Variants in ZNF530 observed in about 807,000 individuals in gnomAD.
ZNF530 encodes the protein zinc finger protein 530.
ZNF530 carries 5 observed loss-of-function variants against 2.8 expected under a neutral mutation model. The observed-to-expected ratio is 1.80, with a 90% confidence interval of 0.94 to 3.78. ZNF530 has a LOEUF of 3.78. Ranked by LOEUF, ZNF530 falls within the 30% of genes most tolerant of loss-of-function variation. The probability of loss-of-function intolerance (pLI) is 0.00; values close to 1 mark genes in which losing one functional copy is unlikely to be tolerated. For missense variants in ZNF530, 619 were observed against 673.3 expected, an observed-to-expected ratio of 0.92 and a Z score of 0.89; for synonymous variants, 229 against 235.0, an observed-to-expected ratio of 0.97 and a Z score of 0.23.
chr19:57,601,994 C>T (rs1198143664), intron 2 of ZNF530, among the ~76,000 whole-genome samples: 2 of 152,232 alleles, frequency 1.3e-5, no homozygotes, highest in African/African-American at 4.8e-5. Flanking sequence ...CATTGGGGAT[C>T]ACATTTCCAG....
downstream of ZNF530, among the ~76,000 whole-genome samples, chr19:57,612,029 T>C (rs558468277): frequency 6.6e-6 from 1 of 152,216 alleles, no homozygotes; most frequent in African/African-American, 2.4e-5. Context: ...CTTCTTCCTT[T>C]AGACTGAAAC....
At position 57,605,881 on chromosome 19, in the gene ZNF530, A is replaced by G. The variant is rs1470929351; in HGVS notation, c.257A>G (p.Tyr86Cys). 2 of 1,614,102 alleles carry G rather than the reference A, an allele frequency of 1.2e-6. No homozygotes were observed. The highest frequency in any genetic ancestry group is 2.2e-5 in the East Asian group (1 of 44,898). Reference sequence around the variant, plus strand: ...GCCTCACCCTGTGGACAGAAATTGTACTTGGGTGGAGCATCAAGAGATTTC... The same window carrying G: ...GCCTCACCCTGTGGACAGAAATTGTGCTTGGGTGGAGCATCAAGAGATTTC... ...LHASPCGQKL[Y>C]LGGASRDFWM... The change falls in exon 4 of 4, where the codon TAC becomes TGC. Residue 86 changes from tyrosine to cysteine, a missense_variant. Coordinates refer to ENST00000597700, the MANE Select transcript of ZNF530 (RefSeq NM_001321981.2).
Position 57,604,448 on chromosome 19 carries a change from T to C in ZNF530, c.61+42T>C, listed in dbSNP as rs1390895617. 4 of 1,594,234 alleles carry C rather than the reference T, an allele frequency of 2.5e-6. No individual in the cohort carries two copies. The Admixed American group carries it at 6.9e-5, about 28-fold the overall frequency. ...CCTCCCAGTTTCCTTTGTGGGTCTC[T>C]CCTTTTCCCCTGTCCCTGAGGCAGC... On this transcript the variant is annotated intron_variant, in intron 3 of 3. Coordinates refer to ENST00000597700, the MANE Select transcript of ZNF530 (RefSeq NM_001321981.2).
At position 57,607,568 on chromosome 19, in the gene ZNF530, C is replaced by T; in HGVS notation, c.*243C>T. ...CCATGTTGGTCAGGCTGGTGTTGAA[C>T]TCCTGACCTCAGGTAATCCACCTGC... is the stretch of plus-strand genomic sequence containing the variant. On this transcript the variant is annotated 3_prime_UTR_variant, in exon 4 of 4. Coordinates refer to ENST00000597700, the MANE Select transcript of ZNF530 (RefSeq NM_001321981.2). 1 of 456,020 alleles carries T rather than the reference C, an allele frequency of 2.2e-6. No individual in the cohort carries two copies. The highest frequency in any genetic ancestry group is 3.9e-6 in the Non-Finnish European group (1 of 256,850). The allele number at this position is 456,020 out of a possible 1,614,324, so 28.2% of individuals were successfully genotyped here. A position where few individuals can be genotyped will look rare whatever the true frequency, so the allele number is the denominator to read the frequency against.
chr19:57,607,468 C>T lies in ZNF530; in HGVS notation c.*143C>T. The T allele has an allele frequency of 3.8e-6, 3 of 792,282 alleles. No homozygotes were observed. The highest frequency in any genetic ancestry group is 1.9e-5 in the South Asian group (1 of 52,440). 49.1% of individuals were successfully genotyped at this position (792,282 alleles called of 1,614,324 possible). On this transcript the variant is annotated 3_prime_UTR_variant, in exon 4 of 4. Coordinates refer to ENST00000597700, the MANE Select transcript of ZNF530 (RefSeq NM_001321981.2). ...CAAGTGATTCTCCTGCCACAGCCTC[C>T]TGAGTACCTGAGATTACAGGCACCC...
chr19:57,607,008 G>GT lies in ZNF530; in HGVS notation c.1385dup (p.Cys463MetfsTer20). On this transcript the variant is annotated frameshift_variant, in exon 4 of 4. Transcript: ENST00000597700. LOFTEE classifies it low-confidence loss of function (END_TRUNC). Reference sequence around the variant, plus strand: ...TGGAGAAAGGCCTTATGAGTGCAGTGTATGTGGGAAATCTTTTATCCGAAA... The same window carrying GT: ...TGGAGAAAGGCCTTATGAGTGCAGTGTTATGTGGGAAATCTTTTATCCGAAA... 1 of 1,614,122 alleles carries GT rather than the reference G, an allele frequency of 6.2e-7. No homozygotes were observed. Among genetic ancestry groups the GT allele is most frequent in the Non-Finnish European group, 8.5e-7 (1 of 1,180,002 alleles).
rs1026338393 is a variant in ZNF530, at chr19:57,608,270, T to G, written c.*945T>G. On this transcript the variant is annotated 3_prime_UTR_variant, in exon 4 of 4. Coordinates refer to ENST00000597700, the MANE Select transcript of ZNF530 (RefSeq NM_001321981.2). ...GATAAAGGCCTTTTGTTTAAGTACC[T>G]TTAATCTTGTAAGTTGTATTAATTG... 6.6e-6 allele frequency: 1 copy of G among 152,220 alleles called. No individual in the cohort carries two copies. The highest frequency in any genetic ancestry group is 1.5e-5 in the Non-Finnish European group (1 of 68,030). The allele number at this position is 152,220 out of a possible 1,614,324, so 9.4% of individuals were successfully genotyped here.
rs755583421 is a variant in ZNF530 at position 57,600,087 on chromosome 19, C to T, written c.-169C>T. The T allele has an allele frequency of 1.3e-6, 2 of 1,549,186 alleles. No individual in the cohort carries two copies. The highest frequency in any genetic ancestry group is 2.4e-5 in the South Asian group (2 of 84,208). On this transcript the variant is annotated 5_prime_UTR_variant, in exon 1 of 4. Transcript: ENST00000597700. ...CCCGGATCGTCCACCGCTCCCGGCC[C>T]GCTCCGCCCAGAGTCCGATGGCGGC... is the stretch of plus-strand genomic sequence containing the variant.
chr19:57,604,129 G>C, intron 2 of ZNF530, 148 bp from the exon 3 acceptor site: 1 of 1,033,826 alleles, frequency 9.7e-7, no homozygotes, highest in Non-Finnish European at 1.4e-6. Context: ...GAGACCATGA[G>C]AGAGTAGGCA....
At chr19:57,601,284 A>G (rs985405962) in intron 2 of ZNF530, among the ~76,000 whole-genome samples, 1 of 152,212 alleles carries the variant, frequency 6.6e-6, no homozygotes, top group African/African-American at 2.4e-5. Context: ...GCAATAGTCC[A>G]GGTGAGTGTA....
intron 1 of ZNF530, 21 bp downstream of exon 1, chr19:57,600,155 G>GCCTCCTCTGCCCTCCCCA (rs755967317): frequency 5.1e-6 from 8 of 1,563,182 alleles, no homozygotes; most frequent in African/African-American, 1.4e-5. Flanking sequence ...CGTCCTCCCG[G>GCCTCCTCTGCCCTCCCCA]CCTCCTCTGC....
downstream of ZNF530, among the ~76,000 whole-genome samples, chr19:57,610,842 T>C (rs1298155339): frequency 6.6e-6 from 1 of 152,216 alleles, no homozygotes. Flanking sequence ...AATATTTTTA[T>C]GTTTATAATT....
At chr19:57,600,631 T>A (rs1980189719) in intron 1 of ZNF530, 97 bp from the exon 2 acceptor site, 1 of 154,860 alleles carries the variant, frequency 6.5e-6, no homozygotes, top group Admixed American at 6.5e-5. Context: ...AAAGCAGTCA[T>A]CCCTGGACAC....
chr19:57,606,385 G>A lies in ZNF530; in HGVS notation c.761G>A (p.Arg254Lys). ...AAAACTCACCTAACTCAACACCAAA[G>A]AGTTCACACTGGAGAAAGGCCTTAT... ...SRKTHLTQHQRVHTGERPYDC... is the reference protein window; with the variant it reads ...SRKTHLTQHQKVHTGERPYDC... Residue 254 changes from arginine (R) to lysine (K), a missense_variant, in exon 4 of 4, where the codon AGA becomes AAA. Transcript: ENST00000597700. 1 of 1,613,992 alleles carries A rather than the reference G, an allele frequency of 6.2e-7. No homozygotes were observed. Among genetic ancestry groups the A allele is most frequent in the South Asian group, 1.1e-5 (1 of 91,074 alleles).
chr19:57,600,213 G>T, intron 1 of ZNF530, 79 bp downstream of exon 1: 1 of 1,488,554 alleles, frequency 6.7e-7, no homozygotes. Context: ...TCTGCAGCCC[G>T]GACCGCACTG....
Position 57,607,921 on chromosome 19 carries a change from C to G in ZNF530, c.*596C>G, listed in dbSNP as rs370695610. On this transcript the variant is annotated 3_prime_UTR_variant, in exon 4 of 4. Coordinates refer to ENST00000597700, the MANE Select transcript of ZNF530 (RefSeq NM_001321981.2). ...TCACTGCCAGTTTCTGCGGCTGAAGCCTTTTCATCACTACCCGCTGGGAGA... is the reference window on the plus strand; with the variant it reads ...TCACTGCCAGTTTCTGCGGCTGAAGGCTTTTCATCACTACCCGCTGGGAGA... 2.6e-5 allele frequency: 4 copies of G among 154,558 alleles called. No individual in the cohort carries two copies. The highest frequency in any genetic ancestry group is 5.7e-5 in the Non-Finnish European group (4 of 69,592). 9.6% of individuals were successfully genotyped at this position (154,558 alleles called of 1,614,324 possible). A position where few individuals can be genotyped will look rare whatever the true frequency, so the allele number is the denominator to read the frequency against.
chr19:57,604,514 TC>T, intron 3 of ZNF530, 108 bp downstream of exon 3: 1 of 1,442,928 alleles, frequency 6.9e-7, no homozygotes, highest in Non-Finnish European at 9.4e-7. Flanking sequence ...CTACAGACCT[TC>T]CCACTTTCTT....
chr19:57,605,885 G>A lies in ZNF530; in HGVS notation c.261G>A (p.Leu87=), dbSNP rs779663871. The A allele has an allele frequency of 3.2e-5, 52 of 1,614,066 alleles. No homozygotes were observed. The highest frequency in any genetic ancestry group is 1.7e-5 in the Admixed American group (1 of 60,004). ...CACCCTGTGGACAGAAATTGTACTT[G>A]GGTGGAGCATCAAGAGATTTCTGGA... ...HASPCGQKLY[L]GGASRDFWMS... is the part of the protein sequence containing the mutation. Residue 87 remains leucine, a synonymous_variant, in exon 4 of 4, where the codon TTG becomes TTA. Transcript: ENST00000597700.
At chr19:57,612,563 C>T, downstream of ZNF530, 1 of 399,298 alleles carries the variant, frequency 2.5e-6, no homozygotes, top group Non-Finnish European at 4.4e-6. Flanking sequence ...CATCTGTAAT[C>T]CCAACTTTTT....
Sources: allele counts gnomAD v4.1 joint callset (sites outside exome capture counted in the v4.1 genomes callset), GRCh38; gene constraint gnomAD v4.1.1; transcripts MANE v1.5; gene names NCBI Gene and HGNC (gene_info 2026-07-23, HGNC 2026-07-21).